Variants in LRP1B observed in about 807,000 individuals in gnomAD.
The protein encoded by LRP1B is low-density lipoprotein receptor-related protein 1B.
A neutral mutation model predicts 556.6 loss-of-function variants in LRP1B; 217 were observed. That is an observed-to-expected ratio of 0.39 (90% CI 0.35 to 0.44). The LOEUF (loss-of-function observed/expected upper bound fraction) is 0.44, where lower values mean the gene tolerates loss of function less well. Among genes scored for constraint, LRP1B ranks in the 20% least tolerant of loss-of-function variants. The pLI, the probability that LRP1B is intolerant of heterozygous loss-of-function variation, is 1.00. For synonymous variants in LRP1B, 2,047 were observed against 1,865.8 expected, an observed-to-expected ratio of 1.10 and a Z score of -2.50; for missense variants, 5,053 against 5,620.8, an observed-to-expected ratio of 0.90 and a Z score of 3.23.
chr2:140,539,662 T>A (rs536572284), intron 45 of LRP1B, among the ~76,000 whole-genome samples: 1 of 152,114 alleles, frequency 6.6e-6, no homozygotes, highest in Non-Finnish European at 1.5e-5. Flanking sequence ...GAAAGAAACA[T>A]GAGTGATTCT....
At chr2:142,046,694 C>A (rs912478455) in intron 1 of LRP1B, among the ~76,000 whole-genome samples, 2 of 151,914 alleles carry the variant, frequency 1.3e-5, no homozygotes, top group Non-Finnish European at 2.9e-5. Flanking sequence ...AATATAGTAT[C>A]TTTTTGTCTA....
chr2:140,566,960 C>A (rs892379378), intron 43 of LRP1B, among the ~76,000 whole-genome samples: 1 of 152,108 alleles, frequency 6.6e-6, no homozygotes, highest in South Asian at 2.1e-4. Flanking sequence ...CACACCCTCA[C>A]CCCCGATCCT....
intron 2 of LRP1B, among the ~76,000 whole-genome samples, chr2:141,619,008 T>A (rs1355119861): frequency 2.0e-5 from 3 of 152,190 alleles, no homozygotes. Context: ...GTTTCAAGGA[T>A]TTTATCTGCT....
intron 1 of LRP1B, among the ~76,000 whole-genome samples, chr2:142,026,499 A>C (rs1703510480): frequency 6.6e-6 from 1 of 152,124 alleles, no homozygotes; most frequent in Non-Finnish European, 1.5e-5. Flanking sequence ...TATATTTGAG[A>C]TATAGGTATA....
chr2:140,594,135 A>AT (rs1455740605), intron 43 of LRP1B, among the ~76,000 whole-genome samples: 1 of 151,906 alleles, frequency 6.6e-6, no homozygotes. Flanking sequence ...TGCCCGGCTA[A>AT]TTTTTTGTAT....
intron 3 of LRP1B, among the ~76,000 whole-genome samples, chr2:141,267,568 C>A (rs57098350): frequency 1.8e-3 from 270 of 152,184 alleles, no homozygotes; most frequent in African/African-American, 6.1e-3. Context: ...GGGTGACATA[C>A]TAGAGTTATT....
At chr2:140,802,408 CTA>C (rs1271023924) in intron 32 of LRP1B, among the ~76,000 whole-genome samples, 1 of 152,118 alleles carries the variant, frequency 6.6e-6, no homozygotes, top group East Asian at 1.9e-4. Flanking sequence ...GAATGTAACT[CTA>C]TTTTATATCT....
intron 7 of LRP1B, among the ~76,000 whole-genome samples, chr2:141,073,526 A>G (rs1039855095): frequency 1.3e-5 from 2 of 152,092 alleles, no homozygotes; most frequent in Non-Finnish European, 2.9e-5. Flanking sequence ...GAATGTTCCC[A>G]TGACTTTCAT....
rs1206852583 is a variant in LRP1B, at chr2:141,148,009, CACT to C, written c.1013+40409_1013+40411del. Among the ~76,000 whole-genome samples the C allele has an allele frequency of 2.0e-5, 3 of 152,130 alleles. No homozygotes were observed. The East Asian group carries it at 5.8e-4, about 29-fold the overall frequency. ...AGCCTAGCTATGAAATAGGCTACACCACTAAGTTAGTGTAAGTACACTCTATGA... is the reference window on the plus strand; with the variant it reads ...AGCCTAGCTATGAAATAGGCTACACCAAGTTAGTGTAAGTACACTCTATGA... On this transcript the variant is annotated intron_variant, in intron 7 of 90. Coordinates refer to ENST00000389484, the MANE Select transcript of LRP1B (RefSeq NM_018557.3).
intron 3 of LRP1B, among the ~76,000 whole-genome samples, chr2:141,476,167 C>T (rs927390097): frequency 6.6e-6 from 1 of 152,228 alleles, no homozygotes. Flanking sequence ...GAGCCCATGG[C>T]GGCCCAACAG....
chr2:141,131,406 G>GTT (rs1558881795), intron 7 of LRP1B, among the ~76,000 whole-genome samples: 12 of 11,138 alleles, frequency 1.1e-3, no homozygotes, highest in African/African-American at 4.9e-3. Flanking sequence ...AATGCATAAA[G>GTT]TTATATATAT....
chr2:140,898,769 T>C, intron 23 of LRP1B: 1 of 582,434 alleles, frequency 1.7e-6, no homozygotes, highest in South Asian at 1.4e-5. Context: ...TGAGCCTCTC[T>C]GGGAACCAAC....
In LRP1B at chr2:141,732,765, A is replaced by G. The variant is rs565081102; in HGVS notation, c.205+77514T>C. On this transcript the variant is annotated intron_variant, in intron 2 of 90. Coordinates refer to ENST00000389484, the MANE Select transcript of LRP1B (RefSeq NM_018557.3). The stretch of plus-strand genomic sequence containing the variant: ...ATTATTATGAGGCAGAAAATATTAT[A>G]CCCCTTGTAGCAGAAATGTATAAAA... Among the ~76,000 whole-genome samples, 6 of 152,244 alleles carry G rather than the reference A, an allele frequency of 3.9e-5. No individual in the cohort carries two copies. In the South Asian group the frequency reaches 1.2e-3, roughly 32 times the overall value.
chr2:141,289,308 G>A (rs1469960693), intron 3 of LRP1B, among the ~76,000 whole-genome samples: 1 of 148,568 alleles, frequency 6.7e-6, no homozygotes, highest in Non-Finnish European at 1.5e-5. Flanking sequence ...CGTGAACCCA[G>A]GAGGCGGAGC....
chr2:140,486,331 A>C (rs1450396180), intron 58 of LRP1B, among the ~76,000 whole-genome samples: 1 of 152,016 alleles, frequency 6.6e-6, no homozygotes, highest in African/African-American at 2.4e-5. Context: ...TGAAAGTGGC[A>C]ATATGCACAT....
At chr2:141,900,070 G>A (rs1437952844) in intron 1 of LRP1B, among the ~76,000 whole-genome samples, 2 of 152,000 alleles carry the variant, frequency 1.3e-5, no homozygotes, top group African/African-American at 4.8e-5. Context: ...TGTCTCAAGT[G>A]CCAGATTATT....
intron 7 of LRP1B, among the ~76,000 whole-genome samples, chr2:141,166,654 C>A (rs973621031): frequency 6.0e-5 from 9 of 150,796 alleles, no homozygotes; most frequent in Non-Finnish European, 1.2e-4. Context: ...ATTTTTATAC[C>A]CATTAACCAT....
At chr2:141,224,965 A>G (rs534450177) in intron 6 of LRP1B, among the ~76,000 whole-genome samples, 1 of 152,324 alleles carries the variant, frequency 6.6e-6, no homozygotes, top group East Asian at 1.9e-4. Context: ...CATGTATCCC[A>G]GAACTTGAAA....
At chr2:140,363,277 C>T (rs971736747) in intron 72 of LRP1B, among the ~76,000 whole-genome samples, 6 of 151,410 alleles carry the variant, frequency 4.0e-5, no homozygotes, top group African/African-American at 7.3e-5. Context: ...CTGAGAGAAA[C>T]GCAAAAATGT....
Sources: allele counts gnomAD v4.1 joint callset (sites outside exome capture counted in the v4.1 genomes callset), GRCh38; gene constraint gnomAD v4.1.1; transcripts MANE v1.5; gene names NCBI Gene and HGNC (gene_info 2026-07-23, HGNC 2026-07-21).